The following ZNF563 variants were observed in gnomAD, a reference collection of about 807,000 sequenced individuals.
ZNF563 encodes the protein zinc finger protein 563.
In ZNF563, 39 loss-of-function variants were observed where a neutral mutation model predicts 48.5. The observed-to-expected ratio is 0.80, with a 90% CI of 0.62 to 1.05. The LOEUF (loss-of-function observed/expected upper bound fraction) is 1.05, where lower values mean the gene tolerates loss of function less well. Ranked by LOEUF, ZNF563 falls within the 50% of genes least tolerant of loss-of-function variation. ZNF563 has a pLI of 0.00. For synonymous variants in ZNF563, 168 were observed against 187.9 expected, an observed-to-expected ratio of 0.89 and a Z score of 0.87; for missense variants, 538 against 597.0, an observed-to-expected ratio of 0.90 and a Z score of 1.03.
intron 1 of ZNF563, among the ~76,000 whole-genome samples, chr19:12,328,360 T>C (rs1347796377): frequency 2.0e-5 from 3 of 152,208 alleles, no homozygotes; most frequent in Non-Finnish European, 4.4e-5. Context: ...TAGTCCCAGA[T>C]AATCTGAAAG....
rs759171929 is a variant in ZNF563, at chr19:12,321,262, T to C, written c.191+10A>G. 10 of 1,561,100 alleles carry C rather than the reference T, an allele frequency of 6.4e-6. No individual in the cohort carries two copies. The Admixed American group carries it at 1.9e-4, about 29-fold the overall frequency. On this transcript the variant is annotated intron_variant, in intron 3 of 3. Coordinates refer to ENST00000293725, the MANE Select transcript of ZNF563 (RefSeq NM_145276.3). ...CAGAAACATAACTTTCTCCTGTGAG[T>C]GCAAATTACCTTAGATTTCTCCTAG...
chr19:12,339,273 C>CTTTTTTTTT, the ZNF563 span, among the ~76,000 whole-genome samples: 11 of 86,476 alleles, frequency 1.3e-4, no homozygotes, highest in East Asian at 3.8e-4. Flanking sequence ...CAGTTGATTT[C>CTTTTTTTTT]TTTTTTTTTT....
intron 1 of ZNF563, among the ~76,000 whole-genome samples, chr19:12,331,527 T>C (rs1015163586): frequency 2.6e-5 from 4 of 152,240 alleles, no homozygotes; most frequent in African/African-American, 9.6e-5. Context: ...TACCAGCACC[T>C]GAGTGGCTGA....
Position 12,319,634 on chromosome 19 carries a change from G to A in ZNF563, c.391C>T (p.His131Tyr). 1 of 1,614,176 alleles carries A rather than the reference G, an allele frequency of 6.2e-7. No homozygotes were observed. Among genetic ancestry groups the A allele is most frequent in the South Asian group, 1.1e-5 (1 of 91,078 alleles). Residue 131 changes from histidine (H) to tyrosine (Y), a missense_variant, in exon 4 of 4, where the codon CAT (histidine) becomes TAT (tyrosine). His to Tyr is a moderately conservative substitution (Grantham distance 83). Coordinates refer to ENST00000293725, the MANE Select transcript of ZNF563 (RefSeq NM_145276.3). ...TTCTCTCCATATTCCTGATACTCAT[G>A]TGGTTTGTGTCCAGAATCAACTCTG... Reference protein sequence around the residue: ...HIRVDSGHKPHEYQEYGEKPH... With the variant: ...HIRVDSGHKPYEYQEYGEKPH...
chr19:12,335,658 C>T (rs1362232059), upstream of ZNF563, among the ~76,000 whole-genome samples: 1 of 152,144 alleles, frequency 6.6e-6, no homozygotes, highest in Admixed American at 6.6e-5. Flanking sequence ...GTCATAAGAC[C>T]CTCCATTTCA....
the ZNF563 span, among the ~76,000 whole-genome samples, chr19:12,342,508 C>G: frequency 1.3e-5 from 2 of 151,394 alleles, no homozygotes; most frequent in African/African-American, 4.9e-5. Context: ...GGTGGTGCCT[C>G]AAACCTGTAA....
At chr19:12,327,675 A>G (rs1310798641) in intron 1 of ZNF563, among the ~76,000 whole-genome samples, 1 of 152,156 alleles carries the variant, frequency 6.6e-6, no homozygotes, top group East Asian at 1.9e-4. Flanking sequence ...CATAAAAAAC[A>G]TTTTAAACAG....
the ZNF563 span, among the ~76,000 whole-genome samples, chr19:12,342,801 G>C: frequency 6.7e-6 from 1 of 149,146 alleles, no homozygotes; most frequent in Non-Finnish European, 1.5e-5. Flanking sequence ...AAAAGGAAAA[G>C]AAAAAGAGAA....
At position 12,318,327 on chromosome 19, in the gene ZNF563, C is replaced by T. The variant is rs200835578; in HGVS notation, c.*267G>A. On this transcript the variant is annotated 3_prime_UTR_variant, in exon 4 of 4. Transcript: ENST00000293725. ...TTTAAGTTACCAAAATGACTGAAGGCTTCCCTACATATTTTACACTCACAG... is the reference window on the plus strand; with the variant it reads ...TTTAAGTTACCAAAATGACTGAAGGTTTCCCTACATATTTTACACTCACAG... 1.9e-4 allele frequency: 95 copies of T among 489,760 alleles called. No individual in the cohort carries two copies. The East Asian group carries it at 3.3e-3, about 17-fold the overall frequency. 30.3% of individuals were successfully genotyped at this position (489,760 alleles called of 1,614,324 possible).
the ZNF563 span, among the ~76,000 whole-genome samples, chr19:12,340,926 C>T: frequency 1.7e-4 from 26 of 149,706 alleles, no homozygotes; most frequent in Admixed American, 1.7e-3. Context: ...GAGTATTTTG[C>T]AGTTTGAAAT....
intron 1 of ZNF563, among the ~76,000 whole-genome samples, chr19:12,329,202 G>C (rs1443801902): frequency 6.6e-6 from 1 of 152,174 alleles, no homozygotes; most frequent in Non-Finnish European, 1.5e-5. Context: ...GGCTGGGCGC[G>C]TTGGCTCATG....
In ZNF563 at chr19:12,319,468, C is replaced by T; in HGVS notation, c.557G>A (p.Arg186Lys). 1 of 1,614,226 alleles carries T rather than the reference C, an allele frequency of 6.2e-7. No homozygotes were observed. Among genetic ancestry groups the T allele is most frequent in the Non-Finnish European group, 8.5e-7 (1 of 1,180,044 alleles). ...ATTTCCACCTTGCACTACCATGTGT[C>T]TTCGAAGGTTTCTACGAGAACTGAA... is the stretch of plus-strand genomic sequence containing the variant. ...KTFSSRRNLR[R>K]HMVVQGGNRP... The change falls in exon 4 of 4, where the codon AGA becomes AAA. Residue 186 changes from arginine (R) to lysine (K), a missense_variant. Transcript: ENST00000293725.
chr19:12,345,595 A>G, the ZNF563 span, among the ~76,000 whole-genome samples: 2 of 152,162 alleles, frequency 1.3e-5, no homozygotes, highest in African/African-American at 2.4e-5. Flanking sequence ...TTAATCAAAG[A>G]CCTATACTTA....
In ZNF563 at chr19:12,318,395, T is replaced by TAAA; in HGVS notation, c.*196_*198dup. The stretch of plus-strand genomic sequence containing the variant: ...AGTTGTTTTATGTTGACAATGGTGT[T>TAAA]AAAAAAAAATCGATCACTTTCCCAC... On this transcript the variant is annotated 3_prime_UTR_variant, in exon 4 of 4. Coordinates refer to ENST00000293725, the MANE Select transcript of ZNF563 (RefSeq NM_145276.3). 1 of 616,502 alleles carries TAAA rather than the reference T, an allele frequency of 1.6e-6. No individual in the cohort carries two copies. The highest frequency in any genetic ancestry group is 2.7e-6 in the Non-Finnish European group (1 of 365,312). The allele number at this position is 616,502 out of a possible 1,614,324, so 38.2% of individuals were successfully genotyped here.
upstream of ZNF563, among the ~76,000 whole-genome samples, chr19:12,334,202 C>G (rs1356743553): frequency 6.6e-6 from 1 of 152,004 alleles, no homozygotes; most frequent in East Asian, 1.9e-4. Context: ...AAAAACAAGT[C>G]AAGAACGGTA....
chr19:12,345,043 T>C, the ZNF563 span, among the ~76,000 whole-genome samples: 1 of 152,154 alleles, frequency 6.6e-6, no homozygotes, highest in Non-Finnish European at 1.5e-5. Context: ...AAATCAGTGA[T>C]GTGTACATTG....
chr19:12,344,504 A>G, the ZNF563 span, among the ~76,000 whole-genome samples: 5 of 152,212 alleles, frequency 3.3e-5, no homozygotes, highest in African/African-American at 1.2e-4. Context: ...AAATAATTTG[A>G]CAAAATTAAA....
Position 12,318,978 on chromosome 19 carries a change from G to A in ZNF563, c.1047C>T (p.Pro349=). The change falls in exon 4 of 4, where the codon CCC becomes CCT. Residue 349 remains proline, a synonymous_variant. Transcript: ENST00000293725. ...CKICGKGFDR[P]SLVRYHERIH... ...TTCGTTCATGATATCGAACTAAACT[G>A]GGACGATCAAAGCCTTTCCCACATA... 6.2e-7 allele frequency: 1 copy of A among 1,614,124 alleles called. No homozygotes were observed. The highest frequency in any genetic ancestry group is 1.7e-5 in the Admixed American group (1 of 60,014).
chr19:12,335,242 T>A (rs1485736274), upstream of ZNF563, among the ~76,000 whole-genome samples: 1 of 152,204 alleles, frequency 6.6e-6, no homozygotes, highest in Non-Finnish European at 1.5e-5. Flanking sequence ...TTGGGACTCT[T>A]AGTCCTACTC....
Sources: gnomAD v4.1 joint callset for allele counts (sites outside exome capture counted in the v4.1 genomes callset) on GRCh38, gnomAD v4.1.1 for gene constraint, MANE v1.5 for transcripts, NCBI Gene and HGNC (gene_info 2026-07-23, HGNC 2026-07-21) for gene names.